Variants in CCSER1 observed in about 807,000 individuals in gnomAD.
CCSER1 encodes the protein coiled-coil serine rich protein 1.
CCSER1 carries 41 observed loss-of-function variants against 82.0 expected under a neutral mutation model. That is an observed-to-expected ratio of 0.50 (90% CI 0.39 to 0.65). The LOEUF is 0.65. Ranked by LOEUF, CCSER1 falls within the 30% of genes least tolerant of loss-of-function variation. CCSER1 has a pLI of 0.00. For synonymous variants in CCSER1, 414 were observed against 383.9 expected (o/e 1.08, Z -0.92); for missense variants, 1,119 against 1,064.2 (o/e 1.05, Z -0.72).
rs560271927 is a variant in CCSER1, at chr4:90,560,267, A to G, written c.1725-67758A>G. Among the ~76,000 whole-genome samples, 179 of 152,110 alleles carry G rather than the reference A, an allele frequency of 1.2e-3. 1 individual carries two copies. Among genetic ancestry groups the G allele is most frequent in the African/African-American group, 4.2e-3 (174 of 41,492 alleles). On this transcript the variant is annotated intron_variant, in intron 5 of 10. Coordinates refer to ENST00000509176, the MANE Select transcript of CCSER1 (RefSeq NM_001145065.2). ...GTGCACTTTTAGAGAATATCCAAAT[A>G]TTCTCTAAGCCCAAAGCTCTAAACA...
At chr4:90,945,501 A>G (rs1232995005) in intron 9 of CCSER1, among the ~76,000 whole-genome samples, 5 of 152,114 alleles carry the variant, frequency 3.3e-5, no homozygotes, top group Admixed American at 6.5e-5. Context: ...TTTATAGTCC[A>G]TTTTCTTTTA....
chr4:90,516,162 C>T (rs535466987), intron 5 of CCSER1, among the ~76,000 whole-genome samples: 2 of 152,150 alleles, frequency 1.3e-5, no homozygotes, highest in South Asian at 4.1e-4. Flanking sequence ...AAGACTTGAA[C>T]AATGATGAGA....
At chr4:91,002,309 C>G (rs550859228) in intron 9 of CCSER1, among the ~76,000 whole-genome samples, 18 of 152,332 alleles carry the variant, frequency 1.2e-4, no homozygotes, top group African/African-American at 4.1e-4. Flanking sequence ...TCTGGCAAGG[C>G]CAGGGAAGTT....
chr4:91,596,800 AG>A (rs980430889), intron 10 of CCSER1, among the ~76,000 whole-genome samples: 2 of 152,050 alleles, frequency 1.3e-5, no homozygotes. Context: ...GAATTCACAG[AG>A]GGGGGTCTGC....
chr4:90,665,295 C>T (rs1731525746), intron 6 of CCSER1, among the ~76,000 whole-genome samples: 1 of 151,370 alleles, frequency 6.6e-6, no homozygotes, highest in Admixed American at 6.6e-5. Context: ...GGGAGAGGTT[C>T]TAAGGACTGA....
intron 9 of CCSER1, among the ~76,000 whole-genome samples, chr4:91,044,610 A>G (rs971520210): frequency 6.6e-6 from 1 of 152,108 alleles, no homozygotes; most frequent in African/African-American, 2.4e-5. Flanking sequence ...CATCCATTTC[A>G]TCCACATCAG....
At chr4:90,954,648 G>A (rs1733245540) in intron 9 of CCSER1, among the ~76,000 whole-genome samples, 1 of 152,030 alleles carries the variant, frequency 6.6e-6, no homozygotes, top group Admixed American at 6.6e-5. Context: ...AACATGTGCT[G>A]AATGAAAACA....
At chr4:91,297,403 G>T (rs1019828330) in intron 10 of CCSER1, among the ~76,000 whole-genome samples, 1 of 151,022 alleles carries the variant, frequency 6.6e-6, no homozygotes, top group Non-Finnish European at 1.5e-5. Flanking sequence ...GTGTGTGTGT[G>T]TGTGTGTGTG....
intron 7 of CCSER1, among the ~76,000 whole-genome samples, chr4:90,743,736 G>T (rs1179547493): frequency 1.3e-5 from 2 of 152,144 alleles, no homozygotes; most frequent in Non-Finnish European, 2.9e-5. Context: ...TCCCCTAAGT[G>T]TCTTTGCCAG....
intron 4 of CCSER1, among the ~76,000 whole-genome samples, chr4:90,427,542 G>A (rs1161729153): frequency 6.6e-6 from 1 of 151,496 alleles, no homozygotes; most frequent in Admixed American, 6.6e-5. Context: ...CACTGTTTAA[G>A]AAATTTGTCA....
chr4:90,932,982 G>GAAAGAAAGAGAAAGAAAGAA, intron 9 of CCSER1, among the ~76,000 whole-genome samples: 1 of 18,866 alleles, frequency 5.3e-5, no homozygotes, highest in East Asian at 9.2e-4. Context: ...AAGAAAGAAA[G>GAAAGAAAGAGAAAGAAAGAA]AGAAAGAAAG....
intron 1 of CCSER1, among the ~76,000 whole-genome samples, chr4:90,214,595 A>T (rs968865903): frequency 6.6e-6 from 1 of 152,204 alleles, no homozygotes; most frequent in Non-Finnish European, 1.5e-5. Context: ...TAAAAAGTAG[A>T]TGTATTTCCT....
At chr4:91,007,254 C>T (rs1051964495) in intron 9 of CCSER1, among the ~76,000 whole-genome samples, 30 of 152,194 alleles carry the variant, frequency 2.0e-4, no homozygotes, top group African/African-American at 6.5e-4. Context: ...AATTTTCTTG[C>T]TTTGTTATGT....
intron 8 of CCSER1, among the ~76,000 whole-genome samples, chr4:90,880,611 A>T (rs1721157140): frequency 6.6e-6 from 1 of 152,142 alleles, no homozygotes; most frequent in South Asian, 2.1e-4. Context: ...CTGTCCAGGG[A>T]GTTGCCAAGT....
At chr4:90,695,281 G>C (rs1579977276) in intron 6 of CCSER1, among the ~76,000 whole-genome samples, 1 of 151,710 alleles carries the variant, frequency 6.6e-6, no homozygotes, top group Non-Finnish European at 1.5e-5. Flanking sequence ...TTCGTGACTT[G>C]GGGGACTAAA....
chr4:90,632,926 T>C (rs1349987801), intron 6 of CCSER1, among the ~76,000 whole-genome samples: 1 of 152,160 alleles, frequency 6.6e-6, no homozygotes, highest in Non-Finnish European at 1.5e-5. Context: ...GCTGTCAGGC[T>C]AAAATGATTA....
intron 10 of CCSER1, among the ~76,000 whole-genome samples, chr4:91,213,362 T>C (rs1474531829): frequency 6.6e-6 from 1 of 152,176 alleles, no homozygotes; most frequent in Non-Finnish European, 1.5e-5. Context: ...GAGTCTACTT[T>C]GGAGCATACA....
rs950125351 is a variant in CCSER1, at chr4:91,552,737, A to C, written c.2218-45835A>C. 4.6e-5 allele frequency among the ~76,000 whole-genome samples: 7 copies of C among 151,388 alleles called. No individual in the cohort carries two copies. In the South Asian group the frequency reaches 1.1e-3, roughly 23 times the overall value. ...TTGCATGTTGATTTTATATCTTGCA[A>C]CTTTACTGAATTTCTTTTTTAATTC... is the stretch of plus-strand genomic sequence containing the variant. On this transcript the variant is annotated intron_variant, in intron 10 of 10. Transcript: ENST00000509176.
At chr4:90,530,323 TTGGTGGGCAAGGGGA>T in intron 5 of CCSER1, among the ~76,000 whole-genome samples, 1 of 152,206 alleles carries the variant, frequency 6.6e-6, no homozygotes, top group Admixed American at 6.5e-5. Context: ...GAAACTGATA[TTGGTGGGCAAGGGGA>T]GGCCAGTGGG....
Sources: allele counts gnomAD v4.1 joint callset (sites outside exome capture counted in the v4.1 genomes callset), GRCh38; gene constraint gnomAD v4.1.1; transcripts MANE v1.5; gene names NCBI Gene and HGNC (gene_info 2026-07-23, HGNC 2026-07-21).